The following CDK5RAP2 variants were observed in gnomAD, a reference collection of about 807,000 sequenced individuals.
CDK5RAP2 encodes CDK5 regulatory subunit associated protein 2.
CDK5RAP2 carries 147 observed loss-of-function variants against 232.9 expected under a neutral mutation model. The observed-to-expected ratio is 0.63, with a 90% CI of 0.55 to 0.72. The LOEUF (loss-of-function observed/expected upper bound fraction) is 0.72, where lower values mean the gene tolerates loss of function less well. CDK5RAP2 is among the 30% of genes least tolerant of loss of function. CDK5RAP2 has a pLI of 0.00. For missense variants in CDK5RAP2, 2,195 were observed against 2,231.5 expected (o/e 0.98, Z 0.33); for synonymous variants, 833 against 833.7 (o/e 1.00, Z 0.01).
intron 23 of CDK5RAP2, among the ~76,000 whole-genome samples, chr9:120,442,146 C>T (rs542015236): frequency 4.1e-4 from 62 of 152,252 alleles, no homozygotes; most frequent in African/African-American, 1.2e-3. Flanking sequence ...ATCACTAGTA[C>T]CCCCATTTTA....
At chr9:120,495,093 C>T (rs2039117814) in intron 12 of CDK5RAP2, among the ~76,000 whole-genome samples, 1 of 53,640 alleles carries the variant, frequency 1.9e-5, no homozygotes, top group Admixed American at 1.6e-4. Flanking sequence ...CCCCGCGGGG[C>T]CCGAGGGCAA....
chr9:120,462,426 G>C (rs1452752424), intron 18 of CDK5RAP2, among the ~76,000 whole-genome samples: 3 of 149,894 alleles, frequency 2.0e-5, no homozygotes, highest in Non-Finnish European at 3.0e-5. Flanking sequence ...TCTACTCATA[G>C]GTACTCATCA....
At position 120,477,462 on chromosome 9, in the gene CDK5RAP2, A is replaced by G; in HGVS notation, c.1627-12T>C. 6.3e-7 allele frequency: 1 copy of G among 1,582,650 alleles called. No homozygotes were observed. Among genetic ancestry groups the G allele is most frequent in the Non-Finnish European group, 8.7e-7 (1 of 1,151,924 alleles). On this transcript the variant is annotated splice_polypyrimidine_tract_variant and intron_variant, in intron 14 of 37. Transcript: ENST00000349780. ...GATTGTTTCTTTTCCTGGAAATGACAATGGGCATTTGACATTAAGGAAAGA... is the reference window on the plus strand; with the variant it reads ...GATTGTTTCTTTTCCTGGAAATGACGATGGGCATTTGACATTAAGGAAAGA...
chr9:120,546,150 C>T (rs150128438), intron 4 of CDK5RAP2, among the ~76,000 whole-genome samples: 1 of 152,280 alleles, frequency 6.6e-6, no homozygotes, highest in East Asian at 1.9e-4. Flanking sequence ...GTGTGTTTTT[C>T]CCATTCCAAA....
At chr9:120,435,452 A>C (rs1375257867) in intron 25 of CDK5RAP2, among the ~76,000 whole-genome samples, 2 of 147,236 alleles carry the variant, frequency 1.4e-5, no homozygotes, top group Non-Finnish European at 3.0e-5. Flanking sequence ...GATTTTTTTA[A>C]AAAATAAATT....
chr9:120,552,434 G>C (rs2042076975), intron 3 of CDK5RAP2, among the ~76,000 whole-genome samples: 1 of 152,076 alleles, frequency 6.6e-6, no homozygotes, highest in Admixed American at 6.5e-5. Context: ...CAAAGGCTTG[G>C]AACCAAGCCA....
intron 35 of CDK5RAP2, among the ~76,000 whole-genome samples, chr9:120,398,025 A>C (rs574875977): frequency 4.6e-5 from 7 of 152,176 alleles, no homozygotes; most frequent in African/African-American, 1.7e-4. Flanking sequence ...CATACTGTAC[A>C]TCTCCTGCCC....
At chr9:120,485,617 G>T (rs1163614224) in intron 14 of CDK5RAP2, among the ~76,000 whole-genome samples, 4 of 152,164 alleles carry the variant, frequency 2.6e-5, no homozygotes, top group African/African-American at 9.7e-5. Context: ...TAGCATTTTA[G>T]TTTAACTAAC....
intron 12 of CDK5RAP2, among the ~76,000 whole-genome samples, chr9:120,510,044 T>C (rs1246875643): frequency 6.6e-6 from 1 of 152,186 alleles, no homozygotes. Flanking sequence ...TCTGTGGTCT[T>C]AGCCCTAACC....
rs2035655719 is a variant in CDK5RAP2, at chr9:120,437,530, G to C, written c.3723-3C>G. 2.5e-6 allele frequency: 4 copies of C among 1,601,602 alleles called. No individual in the cohort carries two copies. The highest frequency in any genetic ancestry group is 2.7e-5 in the African/African-American group (2 of 74,602). On this transcript the variant is annotated splice_polypyrimidine_tract_variant and splice_region_variant and intron_variant, in intron 24 of 37. Transcript: ENST00000349780. ...GGGACTGAACTAATGAATCGTATCT[G>C]ATAAAAGAGGGGAAAGAAAATACTT...
chr9:120,472,757 C>G (rs2037787304), intron 15 of CDK5RAP2, among the ~76,000 whole-genome samples: 1 of 152,152 alleles, frequency 6.6e-6, no homozygotes, highest in African/African-American at 2.4e-5. Flanking sequence ...GCACACCTCC[C>G]AGAATGTGCA....
intron 12 of CDK5RAP2, among the ~76,000 whole-genome samples, chr9:120,516,652 C>T (rs562961536): frequency 2.0e-5 from 3 of 152,142 alleles, no homozygotes; most frequent in Non-Finnish European, 4.4e-5. Context: ...ACAGCCAGAC[C>T]CTGTCTCCAC....
chr9:120,493,295 A>C (rs758245332), intron 12 of CDK5RAP2, among the ~76,000 whole-genome samples: 3 of 152,244 alleles, frequency 2.0e-5, no homozygotes, highest in Non-Finnish European at 2.9e-5. Context: ...TTGTTAAGCC[A>C]CCAAGTTTGT....
intron 13 of CDK5RAP2, among the ~76,000 whole-genome samples, chr9:120,488,418 T>C (rs2038724530): frequency 6.6e-6 from 1 of 152,238 alleles, no homozygotes; most frequent in Admixed American, 6.5e-5. Flanking sequence ...ATTATAGATA[T>C]ACATAGTTTA....
rs2033248832 is a variant in CDK5RAP2 at position 120,403,868 on chromosome 9, C to T, written c.5041+168G>A. Among the ~76,000 whole-genome samples the T allele has an allele frequency of 6.6e-6, 1 of 152,214 alleles. No homozygotes were observed. Among genetic ancestry groups the T allele is most frequent in the Non-Finnish European group, 1.5e-5 (1 of 68,032 alleles). On this transcript the variant is annotated intron_variant, in intron 33 of 37. Transcript: ENST00000349780. This position sits in a 1 kb window ranked among gnomAD's most constrained non-coding sequence, Gnocchi z 4.2. ...TTGGTAACACCTAGGAGTGGATTAA[C>T]TGGCTTGAAGGAGAAGATCACCAGC... is the stretch of plus-strand genomic sequence containing the variant.
At chr9:120,536,683 C>G in intron 6 of CDK5RAP2, 157 bp from the exon 7 acceptor site, 2 of 779,190 alleles carry the variant, frequency 2.6e-6, no homozygotes, top group Non-Finnish European at 4.3e-6. Context: ...GTAATAAATA[C>G]ATTTGCCAGC....
At chr9:120,390,080 G>A (rs2031793784) in intron 36 of CDK5RAP2, 1 of 377,724 alleles carries the variant, frequency 2.6e-6, no homozygotes, top group African/African-American at 2.0e-5. Flanking sequence ...CCCTACAGCT[G>A]TGCACGGCCA....
At chr9:120,411,595 T>C (rs1015393791) in intron 28 of CDK5RAP2, 121 bp from the exon 29 acceptor site, 8 of 680,972 alleles carry the variant, frequency 1.2e-5, no homozygotes, top group African/African-American at 1.1e-4. Context: ...TCCCTCCTGT[T>C]AACTATGTTA....
At chr9:120,550,928 C>T (rs767013448) in intron 3 of CDK5RAP2, 26 bp from the exon 4 acceptor site, 1 of 1,290,954 alleles carries the variant, frequency 7.7e-7, no homozygotes, top group Admixed American at 1.7e-5. Context: ...GAAGGGTCAT[C>T]AAAAGCAAAC....
Sources: gnomAD v4.1 joint callset for allele counts (sites outside exome capture counted in the v4.1 genomes callset) on GRCh38, gnomAD v4.1.1 for gene constraint, Gnocchi (gnomAD v3.1) non-coding constraint, MANE v1.5 for transcripts, NCBI Gene and HGNC (gene_info 2026-07-23, HGNC 2026-07-21) for gene names.